Variants in UTRN observed in about 807,000 individuals in gnomAD.
The protein encoded by UTRN is utrophin.
UTRN carries 283 observed loss-of-function variants against 463.9 expected under a neutral mutation model. The observed-to-expected ratio is 0.61, with a 90% confidence interval of 0.55 to 0.67. UTRN has a LOEUF of 0.67. Ranked by LOEUF, UTRN falls within the 30% of genes least tolerant of loss-of-function variation. The probability of loss-of-function intolerance (pLI) is 0.00; values close to 1 mark genes in which losing one functional copy is unlikely to be tolerated. For synonymous variants in UTRN, 1,442 were observed against 1,431.5 expected (o/e 1.01, Z -0.17); for missense variants, 3,922 against 4,084.3 (o/e 0.96, Z 1.08).
intron 52 of UTRN, among the ~76,000 whole-genome samples, chr6:144,696,823 G>A (rs1784054987): frequency 6.6e-6 from 1 of 152,066 alleles, no homozygotes; most frequent in South Asian, 2.1e-4. Flanking sequence ...TTTAACCAAT[G>A]CTCCTTCTCA....
chr6:144,608,411 C>G (rs1299487515), intron 51 of UTRN, among the ~76,000 whole-genome samples: 7 of 152,178 alleles, frequency 4.6e-5, no homozygotes, highest in Admixed American at 4.6e-4. Flanking sequence ...GGGCCTCATT[C>G]TCTGTTCCCC....
chr6:144,413,739 C>T (rs1784118554), intron 3 of UTRN, among the ~76,000 whole-genome samples: 1 of 152,114 alleles, frequency 6.6e-6, no homozygotes, highest in African/African-American at 2.4e-5. Context: ...GTACATAATA[C>T]TTGGTAGTGA....
At chr6:144,730,608 T>G in intron 54 of UTRN, 122 bp downstream of exon 54, 10 of 1,171,064 alleles carry the variant, frequency 8.5e-6, no homozygotes, top group Non-Finnish European at 1.1e-5. Context: ...TTCTTCTAAG[T>G]GTTACTTTAT....
At chr6:144,388,524 C>T (rs576620660) in intron 2 of UTRN, among the ~76,000 whole-genome samples, 29 of 118,792 alleles carry the variant, frequency 2.4e-4, no homozygotes, top group African/African-American at 1.2e-3. Flanking sequence ...TTATTTGAGA[C>T]AGGATCTCAC....
intron 19 of UTRN, among the ~76,000 whole-genome samples, chr6:144,455,078 A>AG: frequency 6.7e-6 from 1 of 149,524 alleles, no homozygotes; most frequent in African/African-American, 2.6e-5. Context: ...CACACACACA[A>AG]ACACACAGAA....
chr6:144,642,948 A>G (rs575746529), intron 51 of UTRN, among the ~76,000 whole-genome samples: 96 of 152,102 alleles, frequency 6.3e-4, no homozygotes, highest in African/African-American at 2.2e-3. Flanking sequence ...TAAACTTTTT[A>G]TTTTTCCATG....
intron 53 of UTRN, among the ~76,000 whole-genome samples, chr6:144,723,558 A>G (rs1282270762): frequency 6.6e-6 from 1 of 152,208 alleles, no homozygotes; most frequent in Non-Finnish European, 1.5e-5. Flanking sequence ...TGGTCAAAAT[A>G]TATGCACATT....
chr6:144,610,460 G>A (rs983269710), intron 51 of UTRN, among the ~76,000 whole-genome samples: 2 of 152,114 alleles, frequency 1.3e-5, no homozygotes, highest in African/African-American at 4.8e-5. Context: ...CCCAGAATTG[G>A]ATGACTCCTC....
chr6:144,602,503 A>G (rs1195868742), intron 51 of UTRN, among the ~76,000 whole-genome samples: 1 of 152,178 alleles, frequency 6.6e-6, no homozygotes, highest in Non-Finnish European at 1.5e-5. Context: ...AAATACTTCT[A>G]AAACATTGAA....
chr6:144,445,860 T>C (rs963363826), intron 14 of UTRN, among the ~76,000 whole-genome samples: 1 of 151,896 alleles, frequency 6.6e-6, no homozygotes, highest in Non-Finnish European at 1.5e-5. Context: ...AACCTGTCTC[T>C]ACTAAAAATG....
intron 51 of UTRN, among the ~76,000 whole-genome samples, chr6:144,621,283 CG>C (rs1228514185): frequency 6.6e-6 from 1 of 152,124 alleles, no homozygotes; most frequent in Non-Finnish European, 1.5e-5. Flanking sequence ...TTTTAGAGAA[CG>C]ATAGTTGTTT....
chr6:144,587,472 G>A (rs1263904084), intron 51 of UTRN, among the ~76,000 whole-genome samples: 1 of 152,024 alleles, frequency 6.6e-6, no homozygotes, highest in Non-Finnish European at 1.5e-5. Flanking sequence ...TGAACATGAA[G>A]GCACATTAAT....
At chr6:144,698,840 A>C (rs1353845863) in intron 52 of UTRN, among the ~76,000 whole-genome samples, 1 of 152,258 alleles carries the variant, frequency 6.6e-6, no homozygotes, top group Non-Finnish European at 1.5e-5. Flanking sequence ...TATGGAGTTC[A>C]TAATCTAAGA....
At chr6:144,344,199 C>T in intron 2 of UTRN, 1 of 1,303,500 alleles carries the variant, frequency 7.7e-7, no homozygotes, top group Non-Finnish European at 1.0e-6. Context: ...ATCATCTAAG[C>T]AGATGTAGGT....
At chr6:144,842,411 C>G (rs1490379023) in intron 73 of UTRN, among the ~76,000 whole-genome samples, 1 of 152,008 alleles carries the variant, frequency 6.6e-6, no homozygotes, top group African/African-American at 2.4e-5. Context: ...AAAACCCTAT[C>G]TCTACTAAAA....
At chr6:144,447,407 A>G (rs2128555584) in intron 15 of UTRN, 89 bp downstream of exon 15, 2 of 1,391,150 alleles carry the variant, frequency 1.4e-6, no homozygotes, top group Non-Finnish European at 2.0e-6. Context: ...TAGTGAATGC[A>G]GATTACAGCT....
At chr6:144,421,583 G>T (rs531666585) in intron 3 of UTRN, among the ~76,000 whole-genome samples, 3 of 151,884 alleles carry the variant, frequency 2.0e-5, no homozygotes, top group African/African-American at 7.3e-5. Flanking sequence ...CAGCTACTCG[G>T]GAGGCTGAGG....
At chr6:144,410,501 T>G (rs1223315725) in intron 3 of UTRN, among the ~76,000 whole-genome samples, 2 of 152,012 alleles carry the variant, frequency 1.3e-5, no homozygotes, top group East Asian at 3.9e-4. Flanking sequence ...TTTGGTGAGG[T>G]TTTGATGCAC....
At chr6:144,674,109 T>C (rs1019837247) in intron 51 of UTRN, among the ~76,000 whole-genome samples, 2 of 152,202 alleles carry the variant, frequency 1.3e-5, no homozygotes, top group Admixed American at 6.5e-5. Flanking sequence ...GATAACCTGA[T>C]GACTGTATGC....
Sources: allele counts gnomAD v4.1 joint callset (sites outside exome capture counted in the v4.1 genomes callset), GRCh38; gene constraint gnomAD v4.1.1; transcripts MANE v1.5; gene names NCBI Gene and HGNC (gene_info 2026-07-23, HGNC 2026-07-21).